Variants in SNRPN observed in about 807,000 individuals in gnomAD.
SNRPN encodes the protein small nuclear ribonucleoprotein polypeptide N.
A neutral mutation model predicts 25.2 loss-of-function variants in SNRPN; 7 were observed. The ratio of observed to expected loss-of-function variants is 0.28; its 90% confidence interval spans 0.16 to 0.52. The LOEUF is 0.52. SNRPN is among the 20% of genes least tolerant of loss of function. The probability of loss-of-function intolerance (pLI) is 0.96; values close to 1 mark genes in which losing one functional copy is unlikely to be tolerated. For synonymous variants in SNRPN, 124 were observed against 110.6 expected, an observed-to-expected ratio of 1.12 and a Z score of -0.76; for missense variants, 196 against 322.5, an observed-to-expected ratio of 0.61 and a Z score of 3.00.
At chr15:24,887,963 G>T (rs536452968) in intron 2 of SNRPN, among the ~76,000 whole-genome samples, 1 of 152,058 alleles carries the variant, frequency 6.6e-6, no homozygotes, top group African/African-American at 2.4e-5. Context: ...TAAGAGCCAA[G>T]CATAATGTAA....
intron 1 of SNRPN, among the ~76,000 whole-genome samples, chr15:24,866,989 T>C (rs553508914): frequency 6.6e-6 from 1 of 152,290 alleles, no homozygotes; most frequent in East Asian, 1.9e-4. Context: ...ACACTTCTCA[T>C]TGAGGAGTGT....
chr15:24,954,997 G>A lies in SNRPN; in HGVS notation c.-456G>A. 1 of 1,610,300 alleles carries A rather than the reference G, an allele frequency of 6.2e-7. No individual in the cohort carries two copies. The highest frequency in any genetic ancestry group is 1.3e-5 in the African/African-American group (1 of 74,996). On this transcript the variant is annotated 5_prime_UTR_variant, in exon 1 of 10. Coordinates refer to ENST00000390687, the MANE Select transcript of SNRPN (RefSeq NM_003097.6). Reference sequence around the variant, plus strand: ...TGCAGCGAGTCTGGCGCAGAGTGGAGCGGCCGCCGGAGATGCCTGACGCAT... The same window carrying A: ...TGCAGCGAGTCTGGCGCAGAGTGGAACGGCCGCCGGAGATGCCTGACGCAT...
chr15:24,974,317 T>C lies in SNRPN; in HGVS notation c.-137T>C. On this transcript the variant is annotated 5_prime_UTR_variant, in exon 4 of 10. Transcript: ENST00000390687. ...AACATGCTTTCCTCTGCAGGCTCCATCTACTCTTTGAAGCTTCTGCCCAGC... is the reference window on the plus strand; with the variant it reads ...AACATGCTTTCCTCTGCAGGCTCCACCTACTCTTTGAAGCTTCTGCCCAGC... 2 of 785,418 alleles carry C rather than the reference T, an allele frequency of 2.5e-6. No individual in the cohort carries two copies. The highest frequency in any genetic ancestry group is 2.3e-6 in the Non-Finnish European group (1 of 438,468). The allele number at this position is 785,418 out of a possible 1,614,324, so 48.7% of individuals were successfully genotyped here. A position where few individuals can be genotyped will look rare whatever the true frequency, so the allele number is the denominator to read the frequency against.
upstream of SNRPN, among the ~76,000 whole-genome samples, chr15:24,954,308 C>T (rs2062508106): frequency 6.6e-6 from 1 of 152,166 alleles, no homozygotes; most frequent in African/African-American, 2.4e-5. Flanking sequence ...GGCTCTCCTA[C>T]TTAGATCTTA....
At chr15:24,956,254 T>A (rs201416814) in intron 1 of SNRPN, among the ~76,000 whole-genome samples, 1 of 151,416 alleles carries the variant, frequency 6.6e-6, no homozygotes, top group African/African-American at 2.4e-5. Flanking sequence ...TGGAAGGCTA[T>A]GTCGAAATAA....
At chr15:24,859,843 T>C (rs571857817) in intron 1 of SNRPN, among the ~76,000 whole-genome samples, 1 of 152,312 alleles carries the variant, frequency 6.6e-6, no homozygotes, top group South Asian at 2.1e-4. Flanking sequence ...AACTTTCTGA[T>C]GTTGCCATGG....
Position 24,894,781 on chromosome 15 carries a change from G to C in SNRPN, c.-505+8192G>C, listed in dbSNP as rs575741683. On this transcript the variant is annotated intron_variant, in intron 2 of 11. Transcript: ENST00000400097. Reference sequence around the variant, plus strand: ...TGGTGAAAATTCTCACCTTGCACAGGCTTGTGTCTGTTTTCCAGAATCCTA... The same window carrying C: ...TGGTGAAAATTCTCACCTTGCACAGCCTTGTGTCTGTTTTCCAGAATCCTA... Among the ~76,000 whole-genome samples the C allele has an allele frequency of 2.6e-5, 4 of 152,250 alleles. No homozygotes were observed. The South Asian group carries it at 8.3e-4, about 32-fold the overall frequency.
rs767497295 is a variant in SNRPN, at chr15:24,968,003, A to G, written c.-223A>G. ...GTGGATTTCCAGGCTGAACTGAGGC[A>G]GGCATTCTTAGCTGAGACACCAAGA... On this transcript the variant is annotated 5_prime_UTR_variant, in exon 3 of 10. Transcript: ENST00000390687. 18 of 1,613,984 alleles carry G rather than the reference A, an allele frequency of 1.1e-5. No homozygotes were observed. Among genetic ancestry groups the G allele is most frequent in the Admixed American group, 6.7e-5 (4 of 59,980 alleles).
At chr15:24,922,775 A>G (rs545938992) in intron 3 of SNRPN, among the ~76,000 whole-genome samples, 9 of 149,788 alleles carry the variant, frequency 6.0e-5, no homozygotes, top group Non-Finnish European at 1.3e-4. Flanking sequence ...TATATACAGC[A>G]TGTAGCATGT....
intron 1 of SNRPN, among the ~76,000 whole-genome samples, chr15:24,874,948 C>T (rs1443197361): frequency 2.0e-5 from 3 of 152,028 alleles, no homozygotes; most frequent in African/African-American, 4.8e-5. Context: ...TGATATAAGA[C>T]TAATACCTGC....
intron 2 of SNRPN, among the ~76,000 whole-genome samples, chr15:24,900,568 C>G (rs28714518): frequency 0.037 from 5,666 of 152,236 alleles, 299 homozygotes; most frequent in East Asian, 0.19. Flanking sequence ...CAAATCATCA[C>G]TTTTTGCTAG....
At chr15:24,976,854 G>A in intron 6 of SNRPN, 23 bp from the exon 7 acceptor site, 1 of 1,602,258 alleles carries the variant, frequency 6.2e-7, no homozygotes, top group South Asian at 1.1e-5. Context: ...TTTGATTTTA[G>A]GCTATGAATT....
Position 24,907,782 on chromosome 15 carries a change from C to T in SNRPN, c.-504-12229C>T, listed in dbSNP as rs148730173. On this transcript the variant is annotated intron_variant, in intron 2 of 11. Coordinates refer to the SNRPN transcript ENST00000400097. ...TTGAAAGCACAGAGTAGGCCAGGCG[C>T]GGTGGCTCACACTTGTAATCCCAGC... 3.7e-3 allele frequency among the ~76,000 whole-genome samples: 559 copies of T among 150,242 alleles called. 6 individuals carry two copies. The highest frequency in any genetic ancestry group is 0.013 in the African/African-American group (537 of 41,004).
chr15:24,946,457 T>TTTTTG (rs1334300272), intron 3 of SNRPN, among the ~76,000 whole-genome samples: 2 of 151,356 alleles, frequency 1.3e-5, no homozygotes, highest in Non-Finnish European at 2.9e-5. Context: ...TCACACGGTT[T>TTTTTG]TTTTGTTTTG....
chr15:24,847,205 G>A (rs2052282329), intron 2 of SNRPN, among the ~76,000 whole-genome samples: 1 of 152,074 alleles, frequency 6.6e-6, no homozygotes, highest in Non-Finnish European at 1.5e-5. Flanking sequence ...TGAGGAATGA[G>A]ACTACTATGC....
At chr15:24,950,849 C>G (rs995723197), upstream of SNRPN, among the ~76,000 whole-genome samples, 2 of 150,652 alleles carry the variant, frequency 1.3e-5, no homozygotes, top group African/African-American at 2.4e-5. Flanking sequence ...TGCCCGGCCC[C>G]TATGTTTTCC....
intron 2 of SNRPN, among the ~76,000 whole-genome samples, chr15:24,908,712 T>A (rs924125363): frequency 1.3e-5 from 2 of 152,168 alleles, no homozygotes; most frequent in Non-Finnish European, 2.9e-5. Context: ...TTCTAGTGCT[T>A]ATATACATTT....
Position 24,929,640 on chromosome 15 carries a change from ACT to A in SNRPN, c.-391+9521_-391+9522del, listed in dbSNP as rs937647978. On this transcript the variant is annotated intron_variant, in intron 3 of 11. Coordinates refer to the SNRPN transcript ENST00000400097. This position sits in a 1 kb window ranked among gnomAD's most constrained non-coding sequence, Gnocchi z 5.3. ...AGGGCCCTGGGCTGAGACCCAGCCA[ACT>A]CTCTATGGGGCTGCCACACGACTTC... Among the ~76,000 whole-genome samples the A allele has an allele frequency of 3.3e-5, 5 of 151,498 alleles. No homozygotes were observed. Among genetic ancestry groups the A allele is most frequent in the Admixed American group, 3.3e-4 (5 of 15,166 alleles).
At chr15:24,892,296 G>A (rs1191099353) in intron 2 of SNRPN, among the ~76,000 whole-genome samples, 1 of 152,196 alleles carries the variant, frequency 6.6e-6, no homozygotes, top group African/African-American at 2.4e-5. Flanking sequence ...GACAGGGGAG[G>A]AAGACAGAGA....
Sources: gnomAD v4.1 joint callset for allele counts (sites outside exome capture counted in the v4.1 genomes callset) on GRCh38, gnomAD v4.1.1 for gene constraint, Gnocchi (gnomAD v3.1) non-coding constraint, MANE v1.5 for transcripts, NCBI Gene and HGNC (gene_info 2026-07-23, HGNC 2026-07-21) for gene names.